Variants in TPCN1 observed in about 807,000 individuals in gnomAD.
TPCN1 encodes the protein two pore channel protein 1.
A neutral mutation model predicts 108.8 loss-of-function variants in TPCN1; 52 were observed. The ratio of observed to expected loss-of-function variants is 0.48; its 90% confidence interval spans 0.38 to 0.60. The LOEUF (loss-of-function observed/expected upper bound fraction) is 0.60, where lower values mean the gene tolerates loss of function less well. Ranked by LOEUF, TPCN1 falls within the 20% of genes least tolerant of loss-of-function variation. The probability of loss-of-function intolerance (pLI) is 0.00; values close to 1 mark genes in which losing one functional copy is unlikely to be tolerated. For missense variants in TPCN1, 806 were observed against 1,072.8 expected (o/e 0.75, Z 3.47); for synonymous variants, 446 against 433.7 (o/e 1.03, Z -0.35).
chr12:113,251,603 TCC>T (rs367756845), intron 2 of TPCN1, among the ~76,000 whole-genome samples: 16 of 152,228 alleles, frequency 1.1e-4, no homozygotes, highest in African/African-American at 2.2e-4. Flanking sequence ...TCCAGCCAGC[TCC>T]CTGCATCCTT....
Position 113,296,274 on chromosome 12 carries a change from G to T in TPCN1, c.*198G>T. 3.6e-6 allele frequency: 3 copies of T among 839,276 alleles called. No individual in the cohort carries two copies. The highest frequency in any genetic ancestry group is 5.3e-6 in the Non-Finnish European group (3 of 568,198). 52.0% of individuals were successfully genotyped at this position (839,276 alleles called of 1,614,324 possible). On this transcript the variant is annotated 3_prime_UTR_variant, in exon 28 of 28. Coordinates refer to ENST00000335509, the MANE Select transcript of TPCN1 (RefSeq NM_017901.6). The stretch of plus-strand genomic sequence containing the variant: ...CCTTAACTCCAGAAGCCAGTTTGGT[G>T]AGGGGTGGGGGTGCGGCCACCAGGT...
intron 2 of TPCN1, among the ~76,000 whole-genome samples, chr12:113,238,917 G>A (rs1031493881): frequency 6.6e-6 from 1 of 152,088 alleles, no homozygotes; most frequent in Non-Finnish European, 1.5e-5. Flanking sequence ...GATCACTTGA[G>A]GCCAGGAATT....
intron 2 of TPCN1, among the ~76,000 whole-genome samples, chr12:113,243,918 T>C (rs1954246466): frequency 6.6e-6 from 1 of 152,164 alleles, no homozygotes; most frequent in Admixed American, 6.5e-5. Context: ...TTTGATGTGC[T>C]CATTTCCCAG....
At position 113,275,827 on chromosome 12, in the gene TPCN1, C is replaced by T. The variant is rs192516960; in HGVS notation, c.943-1092C>T. Among the ~76,000 whole-genome samples the T allele has an allele frequency of 4.9e-3, 740 of 152,238 alleles. 3 individuals carry two copies. The highest frequency in any genetic ancestry group is 0.02 in the South Asian group (97 of 4,826). On this transcript the variant is annotated intron_variant, in intron 10 of 27. Coordinates refer to ENST00000335509, the MANE Select transcript of TPCN1 (RefSeq NM_017901.6). Reference sequence around the variant, plus strand: ...TCCTGACCTTGTGATCCACCCGCCTCGGCCTCCCAAAGTGCTGGGATTACA... The same window carrying T: ...TCCTGACCTTGTGATCCACCCGCCTTGGCCTCCCAAAGTGCTGGGATTACA...
chr12:113,278,266 A>C, intron 13 of TPCN1, 29 bp downstream of exon 13: 1 of 1,608,652 alleles, frequency 6.2e-7, no homozygotes, highest in Non-Finnish European at 8.5e-7. Context: ...CCATAGAAGG[A>C]GTAGACAGAG....
rs1455834861 is a variant in TPCN1 at position 113,226,776 on chromosome 12, G to A, written c.-77G>A. On this transcript the variant is annotated 5_prime_UTR_variant, in exon 2 of 28. Coordinates refer to ENST00000335509, the MANE Select transcript of TPCN1 (RefSeq NM_017901.6). ...TCTGAGCAGCACCCCTGGCCCAGTG[G>A]CTTTGAAAGGGAGCTCAAACCAGAG... 1 of 1,602,386 alleles carries A rather than the reference G, an allele frequency of 6.2e-7. No homozygotes were observed.
chr12:113,296,303 A>G lies in TPCN1; in HGVS notation c.*227A>G, dbSNP rs142628771. On this transcript the variant is annotated 3_prime_UTR_variant, in exon 28 of 28. Transcript: ENST00000335509. ...GGTGGGGGTGCGGCCACCAGGTCTG[A>G]GCTCTTCCTACTGTGGAAGGCTCCA... The G allele has an allele frequency of 7.9e-4, 460 of 582,646 alleles. 2 individuals are homozygous for G. The highest frequency in any genetic ancestry group is 3.0e-3 in the South Asian group (112 of 37,464). The allele number at this position is 582,646 out of a possible 1,614,324, so 36.1% of individuals were successfully genotyped here. A position where few individuals can be genotyped will look rare whatever the true frequency, so the allele number is the denominator to read the frequency against.
In TPCN1 at chr12:113,296,382, G is replaced by A. The variant is rs542177252; in HGVS notation, c.*306G>A. 2 of 353,476 alleles carry A rather than the reference G, an allele frequency of 5.7e-6. No homozygotes were observed. Among genetic ancestry groups the A allele is most frequent in the Admixed American group, 4.0e-5 (1 of 25,186 alleles). 21.9% of individuals were successfully genotyped at this position (353,476 alleles called of 1,614,324 possible). On this transcript the variant is annotated 3_prime_UTR_variant, in exon 28 of 28. Transcript: ENST00000335509. ...CTGGATCCAGTCGACTGCGGGGCTTGCCCCTCATGTGGGCTGGCCTCCATC... is the reference window on the plus strand; with the variant it reads ...CTGGATCCAGTCGACTGCGGGGCTTACCCCTCATGTGGGCTGGCCTCCATC...
intron 3 of TPCN1, among the ~76,000 whole-genome samples, chr12:113,263,241 T>C (rs997668769): frequency 2.6e-5 from 4 of 152,204 alleles, no homozygotes; most frequent in Non-Finnish European, 5.9e-5. Context: ...TTCACAGTCA[T>C]TCACGGCTGT....
At chr12:113,278,095 C>G (rs1955734601) in intron 12 of TPCN1, 94 bp from the exon 13 acceptor site, 2 of 1,034,074 alleles carry the variant, frequency 1.9e-6, no homozygotes. Flanking sequence ...CTCCCTCACC[C>G]CATAAAGGTG....
chr12:113,279,757 C>T (rs550672973), intron 14 of TPCN1, among the ~76,000 whole-genome samples: 73 of 152,130 alleles, frequency 4.8e-4, no homozygotes, highest in Middle Eastern at 3.4e-3. Flanking sequence ...TTTGCATGAC[C>T]CCTTGAATAA....
chr12:113,283,520 G>A (rs1443240466), intron 15 of TPCN1, among the ~76,000 whole-genome samples: 3 of 151,818 alleles, frequency 2.0e-5, no homozygotes, highest in Admixed American at 6.6e-5. Context: ...TGTGTTCCTA[G>A]CTACTCAGGA....
intron 2 of TPCN1, among the ~76,000 whole-genome samples, chr12:113,241,547 A>G (rs932282847): frequency 2.6e-5 from 4 of 152,218 alleles, no homozygotes; most frequent in African/African-American, 9.7e-5. Context: ...TCTTCCGAGC[A>G]CTGGCTTTCT....
intron 3 of TPCN1, among the ~76,000 whole-genome samples, chr12:113,262,024 A>G (rs1233435816): frequency 1.3e-5 from 2 of 152,174 alleles, no homozygotes; most frequent in Non-Finnish European, 2.9e-5. Context: ...GTGACATTTT[A>G]ACCTTAATCT....
intron 2 of TPCN1, among the ~76,000 whole-genome samples, chr12:113,236,707 G>C (rs1463306270): frequency 6.6e-6 from 1 of 152,116 alleles, no homozygotes; most frequent in African/African-American, 2.4e-5. Context: ...GATTGGATTT[G>C]GGTGTGGTTA....
intron 2 of TPCN1, among the ~76,000 whole-genome samples, chr12:113,239,647 C>T (rs1267063396): frequency 6.6e-6 from 1 of 152,164 alleles, no homozygotes; most frequent in Non-Finnish European, 1.5e-5. Context: ...GTGATCAGAC[C>T]AGAAGTAGCC....
At chr12:113,286,591 C>A (rs1350363772) in intron 18 of TPCN1, among the ~76,000 whole-genome samples, 1 of 152,210 alleles carries the variant, frequency 6.6e-6, no homozygotes, top group African/African-American at 2.4e-5. Flanking sequence ...TCAAAAAGTT[C>A]CTTGGGGTCA....
intron 18 of TPCN1, 84 bp downstream of exon 18, chr12:113,286,045 C>A: frequency 7.9e-7 from 1 of 1,258,006 alleles, no homozygotes; most frequent in Non-Finnish European, 1.2e-6. Context: ...TGATCCCGGG[C>A]CATTTCTGGA....
Position 113,268,682 on chromosome 12 carries a change from G to T in TPCN1, c.529-60G>T. The T allele has an allele frequency of 1.3e-6, 2 of 1,599,740 alleles. No individual in the cohort carries two copies. On this transcript the variant is annotated intron_variant, in intron 5 of 27. Transcript: ENST00000335509. The surrounding 1 kb of genome is among the most constrained non-coding windows in gnomAD (Gnocchi z 7.3). ...CTGCCTCTCCAGCCCCCCGTTCCAGGTATGCAGGATGACGGCTGGGCTGCA... is the reference window on the plus strand; with the variant it reads ...CTGCCTCTCCAGCCCCCCGTTCCAGTTATGCAGGATGACGGCTGGGCTGCA...
Sources: gnomAD v4.1 joint callset for allele counts (sites outside exome capture counted in the v4.1 genomes callset) on GRCh38, gnomAD v4.1.1 for gene constraint, Gnocchi (gnomAD v3.1) non-coding constraint, MANE v1.5 for transcripts, NCBI Gene and HGNC (gene_info 2026-07-23, HGNC 2026-07-21) for gene names.